Variants in NFAT5 observed in about 807,000 individuals in gnomAD.
NFAT5 encodes nuclear factor of activated T-cells 5.
A neutral mutation model predicts 166.5 loss-of-function variants in NFAT5; 31 were observed. The ratio of observed to expected loss-of-function variants is 0.19; its 90% CI spans 0.14 to 0.25. The LOEUF is 0.25. Ranked by LOEUF, NFAT5 falls within the 10% of genes least tolerant of loss-of-function variation. NFAT5 has a pLI of 1.00. For synonymous variants in NFAT5, 612 were observed against 639.7 expected (o/e 0.96, Z 0.65); for missense variants, 1,449 against 1,821.8 (o/e 0.80, Z 3.72).
intron 2 of NFAT5, among the ~76,000 whole-genome samples, chr16:69,606,221 C>T (rs899540736): frequency 7.2e-5 from 11 of 152,154 alleles, no homozygotes; most frequent in African/African-American, 2.7e-4. Flanking sequence ...CATTTTCCAT[C>T]CTCCCATCTT....
rs199821387 is a variant in NFAT5, at chr16:69,566,394, G to A, written c.73+20G>A. 16 of 1,529,268 alleles carry A rather than the reference G, an allele frequency of 1.0e-5. No individual in the cohort carries two copies. Among genetic ancestry groups the A allele is most frequent in the African/African-American group, 1.4e-5 (1 of 73,676 alleles). The allele number at this position is 1,529,268 out of a possible 1,614,324, so 94.7% of individuals were successfully genotyped here. On this transcript the variant is annotated intron_variant, in intron 1 of 14. Coordinates refer to ENST00000349945, the MANE Select transcript of NFAT5 (RefSeq NM_138713.4). The surrounding 1 kb of genome is among the most constrained non-coding windows in gnomAD (Gnocchi z 5.7). ...CGCGAGGTGAGTCAGGCTGTGGGGG[G>A]TGGGGCGTGGGGGCGGGGAGACAGG...
intron 3 of NFAT5, among the ~76,000 whole-genome samples, chr16:69,645,680 C>T (rs1054293523): frequency 1.3e-5 from 2 of 152,132 alleles, no homozygotes; most frequent in Middle Eastern, 3.2e-3. Context: ...TTTTATCATA[C>T]ACTTTAAAAC....
chr16:69,677,706 T>C (rs2036885718), intron 10 of NFAT5, among the ~76,000 whole-genome samples: 1 of 152,176 alleles, frequency 6.6e-6, no homozygotes, highest in Non-Finnish European at 1.5e-5. Context: ...GGCTGGTTTA[T>C]AGGGTACATT....
rs1187994368 is a variant in NFAT5 at position 69,693,128 on chromosome 16, C to A, written c.3303C>A (p.Asn1101Lys). The change falls in exon 13 of 15, where the codon AAC (asparagine) becomes AAA (lysine). Residue 1101 changes from asparagine (N) to lysine (K), a missense_variant. Physicochemically the swap from Asn to Lys is moderately conservative, Grantham distance 94 (BLOSUM62 0). Coordinates refer to ENST00000349945, the MANE Select transcript of NFAT5 (RefSeq NM_138713.4). ...HPQNPIADAQ[N>K]LSQETQGSLF... ...AAAATCCTATTGCCGATGCTCAGAACCTTTCCCAGGAAACTCAAGGTTCTC... is the reference window on the plus strand; with the variant it reads ...AAAATCCTATTGCCGATGCTCAGAAACTTTCCCAGGAAACTCAAGGTTCTC... 6.2e-7 allele frequency: 1 copy of A among 1,614,152 alleles called. No homozygotes were observed. The highest frequency in any genetic ancestry group is 8.5e-7 in the Non-Finnish European group (1 of 1,180,020).
chr16:69,675,683 A>G (rs767530208), intron 9 of NFAT5, among the ~76,000 whole-genome samples: 29 of 152,202 alleles, frequency 1.9e-4, no homozygotes, highest in South Asian at 1.9e-3. Context: ...CTTGTTGCCC[A>G]GGCTGGAGTG....
chr16:69,674,694 G>C (rs2036762569), intron 9 of NFAT5, among the ~76,000 whole-genome samples: 1 of 152,124 alleles, frequency 6.6e-6, no homozygotes, highest in South Asian at 2.1e-4. Flanking sequence ...TCTAATTGTA[G>C]ATATTCTAAT....
chr16:69,584,672 C>G (rs774340523), intron 2 of NFAT5, among the ~76,000 whole-genome samples: 32 of 151,732 alleles, frequency 2.1e-4, no homozygotes, highest in Non-Finnish European at 4.1e-4. Flanking sequence ...GCCTGTTGTC[C>G]CAATTACTCA....
intron 2 of NFAT5, among the ~76,000 whole-genome samples, chr16:69,580,960 C>A (rs1384458729): frequency 6.6e-6 from 1 of 152,154 alleles, no homozygotes; most frequent in Non-Finnish European, 1.5e-5. Flanking sequence ...CGGCCGAAAT[C>A]CAAATTCTTA....
intron 10 of NFAT5, among the ~76,000 whole-genome samples, chr16:69,682,307 T>G (rs76670901): frequency 6.6e-6 from 1 of 151,682 alleles, no homozygotes; most frequent in East Asian, 1.9e-4. Context: ...TTTTTTTTTT[T>G]TCTAAAAAAG....
Position 69,691,986 on chromosome 16 carries a change from G to T in NFAT5, c.2161G>T (p.Ala721Ser). The T allele has an allele frequency of 6.2e-7, 1 of 1,614,140 alleles. No individual in the cohort carries two copies. The highest frequency in any genetic ancestry group is 8.5e-7 in the Non-Finnish European group (1 of 1,180,042). Residue 721 changes from alanine (A) to serine (S), a missense_variant, in exon 13 of 15, where the codon GCA (alanine) becomes TCA (serine). Physicochemically the swap from Ala to Ser is moderately conservative, Grantham distance 99 (BLOSUM62 1). Transcript: ENST00000349945. ...SASSQLPNSDALLQQATQFQT... is the reference protein window; with the variant it reads ...SASSQLPNSDSLLQQATQFQT... ...TTCTAGTCAGCTGCCCAACAGCGATGCACTATTGCAGCAGGCTACACAGTT... is the reference window on the plus strand; with the variant it reads ...TTCTAGTCAGCTGCCCAACAGCGATTCACTATTGCAGCAGGCTACACAGTT...
chr16:69,568,361 T>TGTGTGTGTGTGTGTGA (rs2016221202), intron 1 of NFAT5, 134 bp from the exon 2 acceptor site: 1 of 359,654 alleles, frequency 2.8e-6, no homozygotes, highest in Non-Finnish European at 5.0e-6. Context: ...TGTGTGTGTG[T>TGTGTGTGTGTGTGTGA]GTGTGTGTGT....
At chr16:69,658,628 G>C (rs1213167387) in intron 6 of NFAT5, among the ~76,000 whole-genome samples, 3 of 151,796 alleles carry the variant, frequency 2.0e-5, no homozygotes, top group Non-Finnish European at 4.4e-5. Flanking sequence ...AGGAGTTCGA[G>C]ACCAACCTAG....
chr16:69,684,423 T>C (rs1415010622), intron 10 of NFAT5, among the ~76,000 whole-genome samples: 1 of 148,274 alleles, frequency 6.7e-6, no homozygotes, highest in African/African-American at 2.5e-5. Flanking sequence ...TAGCTGGGAG[T>C]GGTGGCAGGC....
chr16:69,679,979 G>A (rs184051518), intron 10 of NFAT5, among the ~76,000 whole-genome samples: 3 of 152,114 alleles, frequency 2.0e-5, no homozygotes, highest in East Asian at 1.9e-4. Context: ...TTAGCCGGGC[G>A]CGGTGGTGGG....
At chr16:69,620,313 T>G (rs1022577440) in intron 2 of NFAT5, among the ~76,000 whole-genome samples, 1 of 152,228 alleles carries the variant, frequency 6.6e-6, no homozygotes, top group Admixed American at 6.5e-5. Context: ...CTAATTCTAC[T>G]ACATGGATAC....
At position 69,691,043 on chromosome 16, in the gene NFAT5, T is replaced by C. The variant is rs143731707; in HGVS notation, c.1878T>C (p.Thr626=). 6.2e-7 allele frequency: 1 copy of C among 1,607,450 alleles called. No homozygotes were observed. The highest frequency in any genetic ancestry group is 1.3e-5 in the African/African-American group (1 of 74,778). The change falls in exon 12 of 15, where the codon ACT becomes ACC. Residue 626 remains threonine (T), a synonymous_variant. Transcript: ENST00000349945. ...GTATGATTAAGAGTGAAGATGTTAC[T>C]CCAATGGAAGTAACAGCAGAAAAAA... ...PSSMIKSEDV[T]PMEVTAEKRS... is the part of the protein sequence containing the mutation.
Position 69,566,263 on chromosome 16 carries a change from C to A in NFAT5, c.-39C>A, listed in dbSNP as rs749037583. 7.6e-6 allele frequency: 12 copies of A among 1,577,672 alleles called. No homozygotes were observed. The South Asian group carries it at 8.1e-5, about 11-fold the overall frequency. On this transcript the variant is annotated 5_prime_UTR_variant, in exon 1 of 15. Coordinates refer to ENST00000349945, the MANE Select transcript of NFAT5 (RefSeq NM_138713.4). The surrounding 1 kb of genome is among the most constrained non-coding windows in gnomAD (Gnocchi z 5.7). ...GGTGCCGCCGCCACCGCCGCTCCCC[C>A]CCTCCCGCTGCCCTCGGGCCGGGCT...
At chr16:69,676,684 G>A (rs993546422) in intron 9 of NFAT5, among the ~76,000 whole-genome samples, 7 of 152,164 alleles carry the variant, frequency 4.6e-5, no homozygotes, top group Admixed American at 3.3e-4. Context: ...TTGCAGGGGT[G>A]AGGATAAGTG....
chr16:69,688,955 T>C (rs927020384), intron 11 of NFAT5, among the ~76,000 whole-genome samples: 4 of 152,232 alleles, frequency 2.6e-5, no homozygotes, highest in Non-Finnish European at 5.9e-5. Context: ...GCCCTGTGCA[T>C]GATCTGAAGT....
Sources: allele counts gnomAD v4.1 joint callset (sites outside exome capture counted in the v4.1 genomes callset), GRCh38; gene constraint gnomAD v4.1.1; non-coding constraint Gnocchi (gnomAD v3.1); transcripts MANE v1.5; gene names NCBI Gene and HGNC (gene_info 2026-07-23, HGNC 2026-07-21).